FRK: variants seen among roughly 807,000 people sequenced by gnomAD.
FRK encodes fyn related Src family tyrosine kinase.
FRK carries 51 observed loss-of-function variants against 56.4 expected under a neutral mutation model. That is an observed-to-expected ratio of 0.90 (90% CI 0.72 to 1.14). FRK has a LOEUF of 1.14. Ranked by LOEUF, FRK falls within the 50% of genes most tolerant of loss-of-function variation. FRK has a pLI of 0.00. For missense variants in FRK, 570 were observed against 601.4 expected (o/e 0.95, Z 0.55); for synonymous variants, 245 against 217.9 (o/e 1.12, Z -1.10).
intron 2 of FRK, among the ~76,000 whole-genome samples, chr6:115,988,456 A>G (rs1335536407): frequency 6.6e-6 from 1 of 152,202 alleles, no homozygotes; most frequent in Non-Finnish European, 1.5e-5. Context: ...ATTACTAAAA[A>G]TGCTTTTAAA....
chr6:116,010,656 T>C (rs193111402), intron 1 of FRK, among the ~76,000 whole-genome samples: 31 of 152,324 alleles, frequency 2.0e-4, no homozygotes, highest in Non-Finnish European at 8.8e-5. Flanking sequence ...AGCATCTCAT[T>C]AGGAAGTTAT....
At chr6:116,011,573 T>C (rs758412667) in intron 1 of FRK, among the ~76,000 whole-genome samples, 3 of 152,154 alleles carry the variant, frequency 2.0e-5, no homozygotes, top group Non-Finnish European at 4.4e-5. Context: ...GATTTCCCTG[T>C]GGGAGCTCAG....
chr6:116,094,012 G>A, the FRK span, among the ~76,000 whole-genome samples: 6 of 152,144 alleles, frequency 3.9e-5, no homozygotes, highest in South Asian at 2.1e-4. Flanking sequence ...GAGAAAGGCC[G>A]CAGCCTTAGT....
intron 2 of FRK, among the ~76,000 whole-genome samples, chr6:116,002,941 T>C (rs1299670360): frequency 2.0e-5 from 3 of 152,178 alleles, no homozygotes; most frequent in African/African-American, 7.2e-5. Flanking sequence ...TCCCAATATA[T>C]GTGGAATTAT....
intron 2 of FRK, among the ~76,000 whole-genome samples, chr6:116,003,567 G>A (rs1432710347): frequency 1.3e-5 from 2 of 152,052 alleles, no homozygotes; most frequent in Non-Finnish European, 2.9e-5. Flanking sequence ...TAGAGTTTTT[G>A]TTTCTTCCTT....
At chr6:116,002,631 A>C (rs1775106973) in intron 2 of FRK, 1 of 443,556 alleles carries the variant, frequency 2.3e-6, no homozygotes, top group Non-Finnish European at 4.6e-6. Flanking sequence ...GGTAATTGAC[A>C]CATCACACAC....
chr6:115,946,243 G>A (rs1772446826), intron 5 of FRK, among the ~76,000 whole-genome samples: 1 of 152,092 alleles, frequency 6.6e-6, no homozygotes, highest in Admixed American at 6.6e-5. Context: ...CAGGAAACCT[G>A]GTTTGAAGCT....
chr6:116,095,382 T>A, the FRK span, among the ~76,000 whole-genome samples: 407 of 152,352 alleles, frequency 2.7e-3, 3 homozygotes, highest in African/African-American at 9.4e-3. Context: ...GAAGGAGCCA[T>A]CTATATCAAT....
intron 2 of FRK, 37 bp downstream of exon 2, chr6:116,003,840 C>T (rs751089081): frequency 1.2e-6 from 2 of 1,609,534 alleles, no homozygotes; most frequent in South Asian, 1.1e-5. Context: ...TGCAGACTCT[C>T]AAGCTCATAT....
chr6:116,097,166 G>T, the FRK span, among the ~76,000 whole-genome samples: 1 of 152,098 alleles, frequency 6.6e-6, no homozygotes, highest in East Asian at 1.9e-4. Context: ...CCTCATGCAG[G>T]ACTACTGCCA....
At chr6:115,951,772 T>C (rs909349782) in intron 5 of FRK, among the ~76,000 whole-genome samples, 4 of 152,238 alleles carry the variant, frequency 2.6e-5, no homozygotes, top group Admixed American at 6.5e-5. Context: ...ACACATTTCC[T>C]ACTTTGAAGG....
intron 5 of FRK, among the ~76,000 whole-genome samples, chr6:115,952,051 T>C (rs1284351917): frequency 6.6e-6 from 1 of 152,092 alleles, no homozygotes; most frequent in Non-Finnish European, 1.5e-5. Flanking sequence ...TCTTGTAAAT[T>C]TGTTTGAGTT....
Position 116,060,169 on chromosome 6 carries a change from A to G in FRK, c.143T>C (p.Val48Ala), listed in dbSNP as rs760776066. 1 of 1,614,176 alleles carries G rather than the reference A, an allele frequency of 6.2e-7. No homozygotes were observed. The highest frequency in any genetic ancestry group is 8.5e-7 in the Non-Finnish European group (1 of 1,180,018). ...CCGAGCCTGGTAATCAAACAAAGCC[A>G]CAAAGTAGTGGCCATGCCTCTGTGA... The part of the protein sequence containing the change: ...PQSQRHGHYF[V>A]ALFDYQARTA... The change falls in exon 1 of 8, where the codon GTG (valine) becomes GCG (alanine). Residue 48 changes from valine to alanine, a missense_variant. Physicochemically the swap from Val to Ala is moderately conservative, Grantham distance 64. Coordinates refer to ENST00000606080, the MANE Select transcript of FRK (RefSeq NM_002031.3).
intron 2 of FRK, among the ~76,000 whole-genome samples, chr6:116,000,246 TTTTTTTTTTTTTTTGA>T (rs1325034765): frequency 0.064 from 3,407 of 52,950 alleles, 201 homozygotes; most frequent in African/African-American, 0.15. Context: ...TTTTTTTTTT[TTTTTTTTTTTTTTTGA>T]GACGGAGTCT....
At chr6:116,088,604 A>G in the FRK span, among the ~76,000 whole-genome samples, 2 of 152,260 alleles carry the variant, frequency 1.3e-5, no homozygotes, top group African/African-American at 2.4e-5. Flanking sequence ...AATATTTAGC[A>G]CCTTGCTAAC....
At chr6:116,044,569 T>G (rs1370320883) in intron 1 of FRK, among the ~76,000 whole-genome samples, 1 of 152,182 alleles carries the variant, frequency 6.6e-6, no homozygotes, top group Non-Finnish European at 1.5e-5. Flanking sequence ...AATTAGGTAT[T>G]GATGAAATGT....
rs34658201 is a variant in FRK, at chr6:116,059,406, T to TA, written c.344+561dup. Among the ~76,000 whole-genome samples, 656 of 151,634 alleles carry TA rather than the reference T, an allele frequency of 4.3e-3. 7 individuals are homozygous for TA. The highest frequency in any genetic ancestry group is 0.015 in the African/African-American group (631 of 41,382). ...GTAGCATATCTCAGGATCTGGGAAT[T>TA]AAAAAAAAATCTATATCATGATGTC... On this transcript the variant is annotated intron_variant, in intron 1 of 7. Transcript: ENST00000606080.
At chr6:115,956,376 G>T in intron 5 of FRK, 76 bp downstream of exon 5, 7 of 1,102,228 alleles carry the variant, frequency 6.4e-6, no homozygotes, top group South Asian at 2.4e-5. Context: ...GTTACAGAAG[G>T]CTTGCTAAAT....
At chr6:116,000,046 C>T (rs1002978638) in intron 2 of FRK, among the ~76,000 whole-genome samples, 1 of 152,136 alleles carries the variant, frequency 6.6e-6, no homozygotes, top group Admixed American at 6.6e-5. Context: ...AGAGTATTCA[C>T]AGCACATAAC....
Sources: allele counts gnomAD v4.1 joint callset (sites outside exome capture counted in the v4.1 genomes callset), GRCh38; gene constraint gnomAD v4.1.1; transcripts MANE v1.5; gene names NCBI Gene and HGNC (gene_info 2026-07-23, HGNC 2026-07-21).